The following ABCC12 variants were observed in gnomAD, a reference collection of about 807,000 sequenced individuals.
ABCC12 encodes ATP-binding cassette sub-family C member 12.
ABCC12 carries 142 observed loss-of-function variants against 151.1 expected under a neutral mutation model. That is an observed-to-expected ratio of 0.94 (90% CI 0.82 to 1.08). ABCC12 has a LOEUF of 1.08. Among genes scored for constraint, ABCC12 ranks in the 50% least tolerant of loss-of-function variants. ABCC12 has a pLI of 0.00. For synonymous variants in ABCC12, 645 were observed against 646.4 expected, an observed-to-expected ratio of 1.00 and a Z score of 0.03; for missense variants, 1,638 against 1,691.1, an observed-to-expected ratio of 0.97 and a Z score of 0.55.
At chr16:48,115,707 G>A in intron 14 of ABCC12, 89 bp from the exon 15 acceptor site, 1 of 1,338,270 alleles carries the variant, frequency 7.5e-7, no homozygotes, top group Non-Finnish European at 1.0e-6. Context: ...TCAGGACTCA[G>A]GGGAAAGACG....
chr16:48,091,358 GC>G, intron 24 of ABCC12, 149 bp from the exon 25 acceptor site: 1 of 693,726 alleles, frequency 1.4e-6, no homozygotes, highest in Non-Finnish European at 2.6e-6. Context: ...CCAGCCAAGC[GC>G]CCAGAAGTAA....
At chr16:48,108,629 G>T in intron 18 of ABCC12, 100 bp from the exon 19 acceptor site, 1 of 815,710 alleles carries the variant, frequency 1.2e-6, no homozygotes, top group Non-Finnish European at 2.0e-6. Flanking sequence ...CGGCTAAGGG[G>T]GCTGTGATGC....
At chr16:48,144,868 A>G (rs74018265) in intron 3 of ABCC12, among the ~76,000 whole-genome samples, 4,893 of 152,278 alleles carry the variant, frequency 0.032, 249 homozygotes, top group African/African-American at 0.11. Flanking sequence ...GCATTACTTC[A>G]TATATTCCTC....
chr16:48,105,564 A>G (rs1159951052), intron 20 of ABCC12, among the ~76,000 whole-genome samples: 2 of 152,284 alleles, frequency 1.3e-5, no homozygotes, highest in East Asian at 3.9e-4. Flanking sequence ...TTGTGAGCTC[A>G]GCACAGTGGG....
At chr16:48,105,036 C>G in intron 21 of ABCC12, 103 bp downstream of exon 21, 1 of 1,352,930 alleles carries the variant, frequency 7.4e-7, no homozygotes, top group Middle Eastern at 2.1e-4. Flanking sequence ...TATGAGGGCT[C>G]TGGCTGTCCC....
At chr16:48,154,592 T>C (rs751908469) in intron 1 of ABCC12, among the ~76,000 whole-genome samples, 57 of 152,334 alleles carry the variant, frequency 3.7e-4, no homozygotes, top group Admixed American at 6.5e-4. Context: ...GTCTTCCTTA[T>C]AGTGTTTCCT....
chr16:48,139,242 C>CA lies in ABCC12; in HGVS notation c.751dup (p.Cys251LeufsTer54). On this transcript the variant is annotated frameshift_variant, in exon 7 of 31. Transcript: ENST00000311303. LOFTEE classifies it high-confidence loss of function. ...CAGAATGAAAAAGGCGTACGCCGCACAAAAGACCATTAGGATCGGGATGGT... is the reference window on the plus strand; with the variant it reads ...CAGAATGAAAAAGGCGTACGCCGCACAAAAAGACCATTAGGATCGGGATGGT... 6.2e-7 allele frequency: 1 copy of CA among 1,614,126 alleles called. No homozygotes were observed. Among genetic ancestry groups the CA allele is most frequent in the Non-Finnish European group, 8.5e-7 (1 of 1,180,012 alleles).
intron 25 of ABCC12, among the ~76,000 whole-genome samples, chr16:48,088,953 C>T (rs1484467312): frequency 1.3e-5 from 2 of 151,970 alleles, no homozygotes; most frequent in African/African-American, 4.8e-5. Flanking sequence ...CAGAATATTG[C>T]AATAGGATAC....
intron 18 of ABCC12, 85 bp downstream of exon 18, chr16:48,111,351 C>G: frequency 6.8e-7 from 1 of 1,474,238 alleles, no homozygotes; most frequent in South Asian, 1.2e-5. Context: ...ATGACATGCA[C>G]AGTGTCTACA....
intron 19 of ABCC12, among the ~76,000 whole-genome samples, chr16:48,107,786 GAGGTC>G: frequency 6.6e-6 from 1 of 152,350 alleles, no homozygotes; most frequent in South Asian, 2.1e-4. Flanking sequence ...CGGATCACCT[GAGGTC>G]AGGAGTTCGA....
Position 48,144,048 on chromosome 16 carries a change from A to T in ABCC12, c.137T>A (p.Val46Glu). 2 of 1,613,930 alleles carry T rather than the reference A, an allele frequency of 1.2e-6. No homozygotes were observed. The highest frequency in any genetic ancestry group is 1.7e-6 in the Non-Finnish European group (2 of 1,179,890). ...GAAGGAGAGTAGCCCGGCATCATCC[A>T]CCGGGTTGGGTGCTAACCTGCAGAC... ...RPCARLAPNP[V>E]DDAGLLSFAT... Residue 46 changes from valine (V) to glutamate (E), a missense_variant, in exon 4 of 31, where the codon GTG becomes GAG. Val to Glu is a moderately radical substitution (Grantham distance 121). Coordinates refer to ENST00000311303, the MANE Select transcript of ABCC12 (RefSeq NM_001393797.1).
In ABCC12 at chr16:48,083,798, T is replaced by G; in HGVS notation, c.3997A>C (p.Ile1333Leu). 6.2e-7 allele frequency: 1 copy of G among 1,614,176 alleles called. No individual in the cohort carries two copies. The highest frequency in any genetic ancestry group is 2.2e-5 in the East Asian group (1 of 44,894). Residue 1333 changes from isoleucine to leucine, a missense_variant, in exon 31 of 31, where the codon ATT becomes CTT. By Grantham distance (5) the Ile-to-Leu change is conservative (BLOSUM62 2). Transcript: ENST00000311303. ...AGGACTTCAGGCTTGTCAAACTCAA[T>G]CACCTGAAAGTCAGAGAAGAAGAAC... ...HVLVMENGKV[I>L]EFDKPEVLAE...
chr16:48,145,820 A>G (rs1225954105), intron 3 of ABCC12, among the ~76,000 whole-genome samples: 1 of 152,252 alleles, frequency 6.6e-6, no homozygotes, highest in Non-Finnish European at 1.5e-5. Flanking sequence ...TGAACCACCC[A>G]GCTGAGCTCA....
intron 2 of ABCC12, among the ~76,000 whole-genome samples, chr16:48,148,697 C>T (rs1965075769): frequency 6.6e-6 from 1 of 151,910 alleles, no homozygotes; most frequent in African/African-American, 2.4e-5. Context: ...GCACTCCAGC[C>T]ATGTGGAATA....
Position 48,121,844 on chromosome 16 carries a change from G to A in ABCC12, c.1588-4C>T. ...CCACCCCTTTCTGCAGCTGCATCTGGAACAACAAGACGGGAGAAGCTTCAG... is the reference window on the plus strand; with the variant it reads ...CCACCCCTTTCTGCAGCTGCATCTGAAACAACAAGACGGGAGAAGCTTCAG... On this transcript the variant is annotated splice_polypyrimidine_tract_variant and splice_region_variant and intron_variant, in intron 12 of 30. Coordinates refer to ENST00000311303, the MANE Select transcript of ABCC12 (RefSeq NM_001393797.1). The A allele has an allele frequency of 6.2e-7, 1 of 1,614,006 alleles. No homozygotes were observed. The highest frequency in any genetic ancestry group is 8.5e-7 in the Non-Finnish European group (1 of 1,179,976).
At chr16:48,140,136 C>T (rs76599870) in intron 6 of ABCC12, among the ~76,000 whole-genome samples, 1,961 of 152,202 alleles carry the variant, frequency 0.013, 42 homozygotes, top group African/African-American at 0.045. Flanking sequence ...AGAAGCAAGT[C>T]TTTTATCTTA....
intron 18 of ABCC12, among the ~76,000 whole-genome samples, chr16:48,110,289 A>T (rs1313374713): frequency 6.6e-6 from 1 of 152,144 alleles, no homozygotes; most frequent in African/African-American, 2.4e-5. Context: ...ATTTGCTAGT[A>T]TGTCATATCG....
At chr16:48,131,053 C>T (rs1040485663) in intron 9 of ABCC12, among the ~76,000 whole-genome samples, 158 bp from the exon 10 acceptor site, 15 of 152,234 alleles carry the variant, frequency 9.9e-5, no homozygotes, top group African/African-American at 3.6e-4. Context: ...CAGAAACCAT[C>T]GGTTGGCCAG....
intron 29 of ABCC12, among the ~76,000 whole-genome samples, chr16:48,085,122 G>C (rs1278980311): frequency 2.6e-5 from 4 of 152,148 alleles, no homozygotes; most frequent in Non-Finnish European, 2.9e-5. Context: ...AGGCTTCAGA[G>C]ACTGGCATTA....
Sources: gnomAD v4.1 joint callset for allele counts (sites outside exome capture counted in the v4.1 genomes callset) on GRCh38, gnomAD v4.1.1 for gene constraint, MANE v1.5 for transcripts, NCBI Gene and HGNC (gene_info 2026-07-23, HGNC 2026-07-21) for gene names.